Variants in ROBO2 observed in about 807,000 individuals in gnomAD.
ROBO2 encodes the protein roundabout homolog 2.
Under a neutral mutation model 160.8 loss-of-function variants are expected in ROBO2, and 53 were observed. That is an observed-to-expected ratio of 0.33 (90% CI 0.26 to 0.41). The LOEUF is 0.41. Among genes scored for constraint, ROBO2 ranks in the 10% least tolerant of loss-of-function variants. The pLI is 1.00. For missense variants in ROBO2, 1,577 were observed against 1,722.4 expected (o/e 0.92, Z 1.49); for synonymous variants, 664 against 611.7 (o/e 1.09, Z -1.26).
intron 1 of ROBO2, among the ~76,000 whole-genome samples, chr3:77,082,740 T>C (rs2149943814): frequency 6.6e-6 from 1 of 152,102 alleles, no homozygotes; most frequent in African/African-American, 2.4e-5. Context: ...TAGTGTATTG[T>C]ATGTACACTC....
rs3902427 is a variant in ROBO2 at position 76,407,013 on chromosome 3, T to C, written c.109+469411T>C. On this transcript the variant is annotated intron_variant, in intron 2 of 26. Transcript: ENST00000487694. Reference sequence around the variant, plus strand: ...CCCTGAGTTGTTTTTTTTTTTTTTTTCATTTATTTTGAACTACTTTACGCC... The same window carrying C: ...CCCTGAGTTGTTTTTTTTTTTTTTTCCATTTATTTTGAACTACTTTACGCC... Among the ~76,000 whole-genome samples, 268 of 148,040 alleles carry C rather than the reference T, an allele frequency of 1.8e-3. 2 individuals are homozygous for C. Among genetic ancestry groups the C allele is most frequent in the African/African-American group, 6.3e-3 (253 of 39,870 alleles).
intron 2 of ROBO2, among the ~76,000 whole-genome samples, chr3:77,155,858 A>T (rs915608233): frequency 6.6e-6 from 1 of 151,620 alleles, no homozygotes; most frequent in African/African-American, 2.4e-5. Context: ...TTTGCCTTCC[A>T]TGGTCTTTCA....
chr3:76,487,151 T>TA (rs2079542454), intron 2 of ROBO2, among the ~76,000 whole-genome samples: 1 of 150,298 alleles, frequency 6.7e-6, no homozygotes, highest in Admixed American at 6.7e-5. Flanking sequence ...TTAATTTAAT[T>TA]TTTTTTTTTT....
chr3:75,963,867 C>T (rs1393737739), intron 2 of ROBO2, among the ~76,000 whole-genome samples: 2 of 151,684 alleles, frequency 1.3e-5, no homozygotes, highest in African/African-American at 4.8e-5. Flanking sequence ...GATTTTTACC[C>T]CTTTCCAAAT....
At chr3:76,838,343 T>TTGTGTA (rs2067903220) in intron 2 of ROBO2, among the ~76,000 whole-genome samples, 1 of 152,098 alleles carries the variant, frequency 6.6e-6, no homozygotes. Flanking sequence ...ATGAGTTTAC[T>TTGTGTA]TGTGTAATAA....
chr3:77,560,357 C>G (rs1031050436), intron 9 of ROBO2, among the ~76,000 whole-genome samples: 7 of 152,036 alleles, frequency 4.6e-5, no homozygotes, highest in African/African-American at 1.7e-4. Flanking sequence ...CAGAAAAAGA[C>G]ATTATTTAAA....
rs2153663747 is a variant in ROBO2, at chr3:77,565,087, C to A, written c.1816C>A (p.Pro606Thr). The A allele has an allele frequency of 6.2e-7, 1 of 1,613,614 alleles. No homozygotes were observed. The highest frequency in any genetic ancestry group is 8.5e-7 in the Non-Finnish European group (1 of 1,179,726). Reference sequence around the variant, plus strand: ...GATCAACCCCCAAGGTCTCAGTGACCCAAGTCCCATGTCAGATCCTGTGCG... The same window carrying A: ...GATCAACCCCCAAGGTCTCAGTGACACAAGTCCCATGTCAGATCCTGTGCG... Residue 606 changes from proline (P) to threonine (T), a missense_variant, in exon 12 of 26, where the codon CCA becomes ACA. Physicochemically the swap from Pro to Thr is conservative, Grantham distance 38. Coordinates refer to ENST00000461745, the Ensembl canonical transcript of ROBO2.
Position 77,087,946 on chromosome 3 carries a change from G to A in ROBO2, c.62-10068G>A, listed in dbSNP as rs921901701. On this transcript the variant is annotated intron_variant, in intron 1 of 25. Transcript: ENST00000461745. The stretch of plus-strand genomic sequence containing the variant: ...ATTCTTAGTTGTCCACCTGTGGTTC[G>A]ATTGCCTTCAGCTTCTGACTCTAAC... 2.6e-5 allele frequency among the ~76,000 whole-genome samples: 4 copies of A among 151,776 alleles called. No homozygotes were observed. In the East Asian group the frequency reaches 5.8e-4, roughly 22 times the overall value.
At chr3:77,198,774 G>A (rs2082543560) in intron 2 of ROBO2, among the ~76,000 whole-genome samples, 2 of 152,016 alleles carry the variant, frequency 1.3e-5, no homozygotes, top group Non-Finnish European at 2.9e-5. Context: ...ATGGTGCTGT[G>A]TGCCTGCAAT....
chr3:77,415,551 G>A (rs2077147120), intron 2 of ROBO2, among the ~76,000 whole-genome samples: 1 of 152,142 alleles, frequency 6.6e-6, no homozygotes, highest in South Asian at 2.1e-4. Context: ...CTGTGCCCCT[G>A]CCCAGGCTTC....
chr3:76,784,443 G>A (rs1362250754), intron 2 of ROBO2, among the ~76,000 whole-genome samples: 1 of 151,024 alleles, frequency 6.6e-6, no homozygotes, highest in Non-Finnish European at 1.5e-5. Flanking sequence ...ATTTTCCCTA[G>A]GACAGTGCCC....
chr3:76,350,332 C>T (rs988778859), intron 2 of ROBO2, among the ~76,000 whole-genome samples: 1 of 152,054 alleles, frequency 6.6e-6, no homozygotes. Flanking sequence ...TATGTCTCCA[C>T]TTGCTTTTCT....
intron 10 of ROBO2, 112 bp from the exon 12 acceptor site, chr3:77,563,055 A>G: frequency 5.4e-6 from 5 of 929,304 alleles, no homozygotes; most frequent in Non-Finnish European, 8.5e-6. Flanking sequence ...ATTCATGGAG[A>G]TGAATTTCTC....
chr3:77,581,656 CTATTAAA>C (rs1244912090), intron 16 of ROBO2, among the ~76,000 whole-genome samples: 1 of 152,080 alleles, frequency 6.6e-6, no homozygotes, highest in Non-Finnish European at 1.5e-5. Flanking sequence ...TAAATTTACT[CTATTAAA>C]TATGGAGACT....
intron 2 of ROBO2, among the ~76,000 whole-genome samples, chr3:76,229,857 A>G (rs1442850229): frequency 6.6e-6 from 1 of 152,160 alleles, no homozygotes; most frequent in Non-Finnish European, 1.5e-5. Context: ...ACTTTAGCTC[A>G]TGAAAATGAA....
intron 2 of ROBO2, among the ~76,000 whole-genome samples, chr3:76,913,046 C>T (rs1360039885): frequency 6.6e-6 from 1 of 152,042 alleles, no homozygotes; most frequent in Non-Finnish European, 1.5e-5. Flanking sequence ...GATAGCAAAC[C>T]TTGGTGGAGG....
intron 23 of ROBO2, among the ~76,000 whole-genome samples, chr3:77,627,552 TG>T (rs1340674519): frequency 5.3e-5 from 8 of 152,180 alleles, no homozygotes; most frequent in African/African-American, 1.9e-4. Flanking sequence ...CCCAGAGTGC[TG>T]GGATTACAGA....
intron 2 of ROBO2, among the ~76,000 whole-genome samples, chr3:76,810,019 C>T (rs1286740488): frequency 6.6e-6 from 1 of 151,724 alleles, no homozygotes; most frequent in Non-Finnish European, 1.5e-5. Flanking sequence ...ATATGAATTG[C>T]CAATTTATTT....
chr3:76,443,454 C>A (rs2077022531), intron 2 of ROBO2, among the ~76,000 whole-genome samples: 1 of 152,102 alleles, frequency 6.6e-6, no homozygotes, highest in Non-Finnish European at 1.5e-5. Flanking sequence ...TTTACTAGTG[C>A]TGCTGCTACT....
Sources: allele counts gnomAD v4.1 joint callset (sites outside exome capture counted in the v4.1 genomes callset), GRCh38; gene constraint gnomAD v4.1.1; transcripts MANE v1.5; gene names NCBI Gene and HGNC (gene_info 2026-07-23, HGNC 2026-07-21).